NAALADL2: variants seen among roughly 807,000 people sequenced by gnomAD.
NAALADL2 encodes the protein N-acetylated alpha-linked acidic dipeptidase like 2, also known as inactive N-acetylated-alpha-linked acidic dipeptidase-like protein 2.
In NAALADL2, 76 loss-of-function variants were observed where a neutral mutation model predicts 87.2. The ratio of observed to expected loss-of-function variants is 0.87; its 90% CI spans 0.72 to 1.05. The LOEUF is 1.05. Ranked by LOEUF, NAALADL2 falls within the 50% of genes least tolerant of loss-of-function variation. The probability of loss-of-function intolerance (pLI) is 0.00; values close to 1 mark genes in which losing one functional copy is unlikely to be tolerated. For synonymous variants in NAALADL2, 354 were observed against 331.0 expected, an observed-to-expected ratio of 1.07 and a Z score of -0.75; for missense variants, 1,089 against 945.8, an observed-to-expected ratio of 1.15 and a Z score of -1.99.
intron 2 of NAALADL2, among the ~76,000 whole-genome samples, chr3:174,655,457 A>G (rs1465978946): frequency 6.6e-6 from 1 of 151,636 alleles, no homozygotes; most frequent in Non-Finnish European, 1.5e-5. Context: ...CGTAAACTAG[A>G]TAAACCTCAA....
intron 2 of NAALADL2, among the ~76,000 whole-genome samples, chr3:175,136,750 CTATT>C (rs1279990164): frequency 6.6e-6 from 1 of 152,086 alleles, no homozygotes; most frequent in African/African-American, 2.4e-5. Flanking sequence ...TAGGGCAACA[CTATT>C]TAGCAGATTT....
At chr3:175,314,815 T>G (rs1235893347) in intron 4 of NAALADL2, among the ~76,000 whole-genome samples, 1 of 148,664 alleles carries the variant, frequency 6.7e-6, no homozygotes, top group East Asian at 2.0e-4. Context: ...GTAATACACT[T>G]GTACCATATA....
intron 2 of NAALADL2, among the ~76,000 whole-genome samples, chr3:175,203,333 C>G (rs2109176464): frequency 6.6e-6 from 1 of 152,252 alleles, no homozygotes. Context: ...TTCCTCTACC[C>G]CTGTATTTCG....
intron 2 of NAALADL2, among the ~76,000 whole-genome samples, chr3:174,725,954 T>C (rs1732143068): frequency 6.6e-6 from 1 of 152,214 alleles, no homozygotes; most frequent in Non-Finnish European, 1.5e-5. Context: ...AATTGTTGTA[T>C]TCCTCATGGA....
intron 1 of NAALADL2, among the ~76,000 whole-genome samples, chr3:174,488,382 T>C (rs558553771): frequency 1.2e-4 from 18 of 152,112 alleles, no homozygotes; most frequent in Admixed American, 2.6e-4. Context: ...TAACCTCTTA[T>C]GGTGTTCATG....
chr3:175,534,948 C>G (rs78943174), intron 9 of NAALADL2, among the ~76,000 whole-genome samples: 3 of 151,570 alleles, frequency 2.0e-5, no homozygotes, highest in Non-Finnish European at 4.4e-5. Flanking sequence ...GTCCATACAA[C>G]GAGACCTACT....
intron 2 of NAALADL2, among the ~76,000 whole-genome samples, chr3:175,219,869 T>A (rs867499223): frequency 8.7e-6 from 1 of 115,386 alleles, no homozygotes; most frequent in African/African-American, 5.1e-5. Context: ...GTTTTCTTTC[T>A]TTTTTTTTTT....
At chr3:175,428,717 T>C (rs1325990133) in intron 5 of NAALADL2, among the ~76,000 whole-genome samples, 6 of 152,094 alleles carry the variant, frequency 3.9e-5, no homozygotes. Flanking sequence ...CTGGGACAAC[T>C]ATAGCTGCCT....
intron 2 of NAALADL2, among the ~76,000 whole-genome samples, chr3:174,659,969 A>G (rs1393627904): frequency 6.6e-6 from 1 of 152,096 alleles, no homozygotes; most frequent in Non-Finnish European, 1.5e-5. Flanking sequence ...GAAACAGTTC[A>G]TATTCAGTTT....
intron 1 of NAALADL2, among the ~76,000 whole-genome samples, chr3:175,044,272 T>C (rs1754423948): frequency 6.6e-6 from 1 of 152,162 alleles, no homozygotes; most frequent in African/African-American, 2.4e-5. Context: ...GGGATTTTCC[T>C]ATTTTTGGAC....
At chr3:175,039,953 TCA>T (rs1360487082) in intron 1 of NAALADL2, among the ~76,000 whole-genome samples, 4 of 152,184 alleles carry the variant, frequency 2.6e-5, no homozygotes, top group Non-Finnish European at 4.4e-5. Context: ...CTGATTATAC[TCA>T]GTTTTTAGCT....
At chr3:175,677,102 C>A (rs568077917) in intron 11 of NAALADL2, among the ~76,000 whole-genome samples, 1 of 152,102 alleles carries the variant, frequency 6.6e-6, no homozygotes, top group East Asian at 1.9e-4. Flanking sequence ...TGGTGGTTCA[C>A]GCCTATAATC....
intron 10 of NAALADL2, among the ~76,000 whole-genome samples, chr3:175,618,372 A>C (rs955112336): frequency 6.6e-6 from 1 of 152,162 alleles, no homozygotes. Flanking sequence ...GTAGGGAGAA[A>C]GGGGTGGACT....
chr3:175,024,362 A>C (rs1273806849), intron 1 of NAALADL2, among the ~76,000 whole-genome samples: 6 of 152,104 alleles, frequency 3.9e-5, no homozygotes, highest in Admixed American at 3.9e-4. Flanking sequence ...ACAGCAAGAA[A>C]AAATGGAGAC....
At chr3:175,176,777 G>A (rs1001684624) in intron 2 of NAALADL2, among the ~76,000 whole-genome samples, 2 of 152,052 alleles carry the variant, frequency 1.3e-5, no homozygotes, top group Non-Finnish European at 2.9e-5. Flanking sequence ...ATGGACCTTA[G>A]AAGTGGGAAA....
chr3:175,560,332 C>A (rs929243806), intron 9 of NAALADL2, among the ~76,000 whole-genome samples: 1 of 151,986 alleles, frequency 6.6e-6, no homozygotes. Context: ...TTTTTTCTTA[C>A]TTAATCTGGC....
intron 9 of NAALADL2, among the ~76,000 whole-genome samples, chr3:175,509,915 T>C (rs1310334232): frequency 1.3e-5 from 2 of 152,190 alleles, no homozygotes; most frequent in Admixed American, 1.3e-4. Flanking sequence ...GTTTGTTACA[T>C]ATGTAGACAT....
intron 2 of NAALADL2, among the ~76,000 whole-genome samples, chr3:174,654,082 G>GTA (rs1724657123): frequency 6.6e-6 from 1 of 151,780 alleles, no homozygotes; most frequent in South Asian, 2.1e-4. Flanking sequence ...GTGTGTGTGT[G>GTA]TGTGTGTGTG....
intron 5 of NAALADL2, among the ~76,000 whole-genome samples, chr3:175,367,890 A>G (rs1034436469): frequency 6.6e-6 from 1 of 152,092 alleles, no homozygotes; most frequent in Non-Finnish European, 1.5e-5. Context: ...TTCCAACACT[A>G]TGTTGAATAG....
Sources: allele counts gnomAD v4.1 joint callset (sites outside exome capture counted in the v4.1 genomes callset), GRCh38; gene constraint gnomAD v4.1.1; transcripts MANE v1.5; gene names NCBI Gene and HGNC (gene_info 2026-07-23, HGNC 2026-07-21).